The following GLRA3 variants were observed in gnomAD, a reference collection of about 807,000 sequenced individuals.
The protein encoded by GLRA3 is glycine receptor alpha 3, also known as glycine receptor subunit alpha-3.
GLRA3 carries 44 observed loss-of-function variants against 60.4 expected under a neutral mutation model. That is an observed-to-expected ratio of 0.73 (90% CI 0.57 to 0.94). The LOEUF (loss-of-function observed/expected upper bound fraction) is 0.94. GLRA3 is among the 40% of genes least tolerant of loss of function. The pLI, the probability that GLRA3 is intolerant of heterozygous loss-of-function variation, is 0.00. For missense variants in GLRA3, 508 were observed against 564.6 expected, an observed-to-expected ratio of 0.90 and a Z score of 1.02; for synonymous variants, 223 against 192.9, an observed-to-expected ratio of 1.16 and a Z score of -1.29.
At chr4:174,803,662 G>A (rs1010217255) in intron 1 of GLRA3, among the ~76,000 whole-genome samples, 9 of 152,106 alleles carry the variant, frequency 5.9e-5, no homozygotes, top group African/African-American at 2.2e-4. Context: ...CTGAAATTTG[G>A]CTTTTTCATT....
chr4:174,716,261 T>G (rs1224265797), intron 4 of GLRA3, among the ~76,000 whole-genome samples: 1 of 152,200 alleles, frequency 6.6e-6, no homozygotes, highest in African/African-American at 2.4e-5. Flanking sequence ...AGAATATTCA[T>G]GATCTGATTC....
At chr4:174,729,779 A>C (rs1000222237) in intron 3 of GLRA3, among the ~76,000 whole-genome samples, 5 of 152,252 alleles carry the variant, frequency 3.3e-5, no homozygotes, top group African/African-American at 1.2e-4. Context: ...ATTTGCATGC[A>C]AAATAGCCAA....
chr4:174,657,961 T>C (rs1440481802), intron 8 of GLRA3, among the ~76,000 whole-genome samples: 1 of 152,158 alleles, frequency 6.6e-6, no homozygotes, highest in African/African-American at 2.4e-5. Context: ...TTAGAAATGA[T>C]AAGTAAAGTT....
At chr4:174,660,041 T>A (rs763237137) in intron 7 of GLRA3, among the ~76,000 whole-genome samples, 47 of 151,944 alleles carry the variant, frequency 3.1e-4, no homozygotes, top group Non-Finnish European at 5.7e-4. Flanking sequence ...CATTTATTGT[T>A]GTGTGTGTAT....
At chr4:174,701,412 T>C (rs1009766728) in intron 5 of GLRA3, among the ~76,000 whole-genome samples, 3 of 152,182 alleles carry the variant, frequency 2.0e-5, no homozygotes, top group African/African-American at 7.2e-5. Context: ...TGATGCCAAT[T>C]AACCCAGTCA....
chr4:174,806,431 G>T (rs1394202276), intron 1 of GLRA3, among the ~76,000 whole-genome samples: 1 of 152,028 alleles, frequency 6.6e-6, no homozygotes, highest in Non-Finnish European at 1.5e-5. Context: ...CCCCCATATT[G>T]TATTTCATAT....
chr4:174,674,906 T>G (rs764154622), intron 7 of GLRA3, among the ~76,000 whole-genome samples: 2 of 152,164 alleles, frequency 1.3e-5, no homozygotes, highest in Admixed American at 6.5e-5. Context: ...CCAAAATAGT[T>G]GCAGAATCAG....
At chr4:174,827,077 CTT>C (rs1741003485) in intron 1 of GLRA3, among the ~76,000 whole-genome samples, 2 of 151,820 alleles carry the variant, frequency 1.3e-5, no homozygotes, top group African/African-American at 4.8e-5. Context: ...ATGAAGTAAA[CTT>C]TTGTATGTTG....
chr4:174,726,941 T>C lies in GLRA3; in HGVS notation c.491+1534A>G, dbSNP rs141838981. ...AATTCACCATTAATTTACTCATCCA[T>C]ATGGGAGTATAGGGCTTATTAGTGG... is the stretch of plus-strand genomic sequence containing the variant. On this transcript the variant is annotated intron_variant, in intron 4 of 9. Coordinates refer to ENST00000274093, the MANE Select transcript of GLRA3 (RefSeq NM_006529.4). Among the ~76,000 whole-genome samples the C allele has an allele frequency of 2.8e-3, 433 of 152,332 alleles. 3 individuals carry two copies. Among genetic ancestry groups the C allele is most frequent in the African/African-American group, 9.8e-3 (408 of 41,576 alleles).
At chr4:174,716,791 A>G (rs1245254649) in intron 4 of GLRA3, among the ~76,000 whole-genome samples, 1 of 152,200 alleles carries the variant, frequency 6.6e-6, no homozygotes, top group Non-Finnish European at 1.5e-5. Context: ...CAAACACTCA[A>G]CAAACAGTGG....
chr4:174,666,041 GA>G (rs990356143), intron 7 of GLRA3, among the ~76,000 whole-genome samples: 63 of 152,170 alleles, frequency 4.1e-4, no homozygotes, highest in African/African-American at 1.4e-3. Context: ...GCAAAACTAG[GA>G]TTTGAATATA....
intron 5 of GLRA3, among the ~76,000 whole-genome samples, chr4:174,684,618 G>A (rs1222613132): frequency 1.3e-5 from 2 of 152,226 alleles, no homozygotes; most frequent in African/African-American, 2.4e-5. Context: ...AGGCAGAATT[G>A]TTGTTACTTT....
intron 3 of GLRA3, among the ~76,000 whole-genome samples, chr4:174,759,426 TA>T (rs1470152049): frequency 4.6e-5 from 7 of 152,098 alleles, no homozygotes; most frequent in Admixed American, 2.0e-4. Context: ...ATGCCTTTGT[TA>T]AATGATATTA....
chr4:174,762,838 T>C (rs1462698887), intron 3 of GLRA3, among the ~76,000 whole-genome samples: 1 of 152,096 alleles, frequency 6.6e-6, no homozygotes. Context: ...GATCAAAAAA[T>C]AGAACAATTT....
At chr4:174,784,573 A>G (rs900755540) in intron 2 of GLRA3, among the ~76,000 whole-genome samples, 10 of 152,090 alleles carry the variant, frequency 6.6e-5, no homozygotes, top group Non-Finnish European at 7.4e-5. Flanking sequence ...GCCTAAGTGA[A>G]CATAAAATCA....
intron 3 of GLRA3, among the ~76,000 whole-genome samples, chr4:174,735,631 G>T (rs948294653): frequency 1.3e-5 from 2 of 152,126 alleles, no homozygotes; most frequent in Admixed American, 1.3e-4. Flanking sequence ...TGCCAACTCT[G>T]CTCATGGCAA....
intron 1 of GLRA3, among the ~76,000 whole-genome samples, chr4:174,810,042 T>C (rs968316282): frequency 1.1e-4 from 16 of 152,176 alleles, no homozygotes; most frequent in African/African-American, 3.9e-4. Context: ...GTTTTGAAAA[T>C]GTACAATGTG....
chr4:174,684,482 T>C (rs991089100), intron 5 of GLRA3, among the ~76,000 whole-genome samples: 3 of 152,208 alleles, frequency 2.0e-5, no homozygotes, highest in African/African-American at 4.8e-5. Context: ...AAATTTCATA[T>C]TTCTATATGG....
chr4:174,719,209 C>T lies in GLRA3; in HGVS notation c.492-3639G>A, dbSNP rs569877665. 4.3e-3 allele frequency among the ~76,000 whole-genome samples: 649 copies of T among 151,712 alleles called. 6 individuals carry two copies. Among genetic ancestry groups the T allele is most frequent in the African/African-American group, 0.014 (597 of 41,392 alleles). ...CGATCTCCTGACCTCGTGATCCGCC[C>T]GCCTCGGCCTCCCAAAGTGCTGGGA... On this transcript the variant is annotated intron_variant, in intron 4 of 9. Transcript: ENST00000274093.
Sources: allele counts gnomAD v4.1 joint callset (sites outside exome capture counted in the v4.1 genomes callset), GRCh38; gene constraint gnomAD v4.1.1; transcripts MANE v1.5; gene names NCBI Gene and HGNC (gene_info 2026-07-23, HGNC 2026-07-21).